The following PHTF2 variants were observed in gnomAD, a reference collection of about 807,000 sequenced individuals.
The protein encoded by PHTF2 is protein PHTF2.
A neutral mutation model predicts 101.2 loss-of-function variants in PHTF2; 60 were observed. The ratio of observed to expected loss-of-function variants is 0.59; its 90% confidence interval spans 0.48 to 0.73. The LOEUF is 0.73. Among genes scored for constraint, PHTF2 ranks in the 30% least tolerant of loss-of-function variants. The pLI is 0.00. For missense variants in PHTF2, 747 were observed against 908.7 expected, an observed-to-expected ratio of 0.82 and a Z score of 2.29; for synonymous variants, 311 against 307.3, an observed-to-expected ratio of 1.01 and a Z score of -0.13.
chr7:77,910,515 CAT>C (rs1802288780), intron 9 of PHTF2, 106 bp downstream of exon 8: 1 of 750,322 alleles, frequency 1.3e-6, no homozygotes, highest in Middle Eastern at 2.8e-4. Context: ...GTGACAGCCT[CAT>C]TATGGATTTT....
intron 3 of PHTF2, among the ~76,000 whole-genome samples, chr7:77,864,249 G>T (rs998177443): frequency 1.3e-5 from 2 of 152,140 alleles, no homozygotes; most frequent in African/African-American, 2.4e-5. Flanking sequence ...TTCTGTTACT[G>T]CTTTTGTCTT....
intron 3 of PHTF2, among the ~76,000 whole-genome samples, chr7:77,862,843 A>T (rs556168040): frequency 4.9e-4 from 74 of 152,222 alleles, no homozygotes; most frequent in Non-Finnish European, 8.8e-4. Context: ...GCCTAAAATT[A>T]GGCAAATGTA....
At chr7:77,866,022 A>G (rs1798032033) in intron 3 of PHTF2, among the ~76,000 whole-genome samples, 1 of 151,992 alleles carries the variant, frequency 6.6e-6, no homozygotes, top group African/African-American at 2.4e-5. Context: ...TGTCTCTACT[A>G]AAAATACAAA....
intron 1 of PHTF2, among the ~76,000 whole-genome samples, chr7:77,819,281 A>G (rs763324928): frequency 1.4e-4 from 22 of 152,192 alleles, no homozygotes; most frequent in Admixed American, 7.2e-4. Flanking sequence ...ATTGAATAAG[A>G]GTTGTGAAAG....
intron 1 of PHTF2, among the ~76,000 whole-genome samples, chr7:77,807,123 T>C (rs1180533341): frequency 6.6e-6 from 1 of 152,214 alleles, no homozygotes; most frequent in African/African-American, 2.4e-5. Flanking sequence ...ATGTACTGTT[T>C]TGTTCATCCA....
chr7:77,920,367 G>A lies in PHTF2; in HGVS notation c.865G>A (p.Gly289Ser), dbSNP rs375949234. 6.3e-5 allele frequency: 102 copies of A among 1,610,916 alleles called. No homozygotes were observed. The highest frequency in any genetic ancestry group is 3.3e-4 in the Middle Eastern group (2 of 6,072). ...TGATGGGAAGAAGACTGTTAAAAGC[G>A]GTGAAGATGGAATACAAAACCATGA... Residue 289 changes from glycine to serine, a missense_variant, in exon 10 of 20, where the codon GGT becomes AGT. Around this residue, in one of 6 missense-constraint regions of PHTF2, gnomAD observed 349 missense variants for 369.7 expected, o/e 0.94. Transcript: ENST00000416283.
chr7:77,856,959 G>A (rs114507229), intron 3 of PHTF2, among the ~76,000 whole-genome samples: 2,037 of 152,144 alleles, frequency 0.013, 49 homozygotes, highest in African/African-American at 0.046. Flanking sequence ...CTTATGACTT[G>A]CAATATAACA....
chr7:77,880,444 C>A lies in PHTF2; in HGVS notation c.148-13164C>A, dbSNP rs1419826718. 3.3e-5 allele frequency among the ~76,000 whole-genome samples: 5 copies of A among 152,298 alleles called. No homozygotes were observed. The South Asian group carries it at 1.0e-3, about 32-fold the overall frequency. On this transcript the variant is annotated intron_variant, in intron 3 of 19. Transcript: ENST00000416283. ...ATACCCTGTTCATCTCTCTCAAGAT[C>A]TTTATTCTAGACCTTCTTTGTCTTT... is the stretch of plus-strand genomic sequence containing the variant.
At chr7:77,954,620 A>G (rs969804434) in intron 19 of PHTF2, among the ~76,000 whole-genome samples, 132 of 117,122 alleles carry the variant, frequency 1.1e-3, no homozygotes, top group African/African-American at 3.2e-3. Context: ...GTGTATATAT[A>G]TATATATATA....
intron 2 of PHTF2, among the ~76,000 whole-genome samples, chr7:77,853,699 G>T (rs543033381): frequency 9.9e-5 from 15 of 151,818 alleles, no homozygotes; most frequent in African/African-American, 3.6e-4. Flanking sequence ...TGGCCACTCA[G>T]CTCTAGATTT....
intron 3 of PHTF2, among the ~76,000 whole-genome samples, chr7:77,876,633 C>A (rs186243253): frequency 1.3e-5 from 2 of 152,252 alleles, no homozygotes; most frequent in Admixed American, 6.5e-5. Flanking sequence ...TGGCTTACAT[C>A]TGTAATCGCA....
chr7:77,942,881 T>C, intron 16 of PHTF2, 95 bp downstream of exon 15: 1 of 641,106 alleles, frequency 1.6e-6, no homozygotes, highest in East Asian at 3.1e-5. Context: ...GTAAGCCTAG[T>C]TAGAAAGTAA....
intron 1 of PHTF2, among the ~76,000 whole-genome samples, chr7:77,816,566 A>G (rs1793872490): frequency 1.3e-5 from 2 of 152,212 alleles, no homozygotes; most frequent in South Asian, 4.1e-4. Context: ...AGAGTAATTG[A>G]CGTATACATT....
intron 1 of PHTF2, among the ~76,000 whole-genome samples, chr7:77,830,428 C>T (rs987352927): frequency 1.3e-5 from 2 of 152,216 alleles, no homozygotes; most frequent in Non-Finnish European, 2.9e-5. Context: ...AGCCAGTGGG[C>T]AAGTGAGCGA....
chr7:77,888,297 G>A (rs1800053212), intron 3 of PHTF2, among the ~76,000 whole-genome samples: 1 of 152,106 alleles, frequency 6.6e-6, no homozygotes, highest in Non-Finnish European at 1.5e-5. Context: ...TGTATTTTTA[G>A]TAGAGACGGG....
At chr7:77,814,513 AT>A (rs771740540) in intron 1 of PHTF2, among the ~76,000 whole-genome samples, 4,096 of 134,786 alleles carry the variant, frequency 0.03, 39 homozygotes, top group Middle Eastern at 0.074. Flanking sequence ...CTTGGGGGGC[AT>A]TTTTTTTTTT....
At chr7:77,849,413 C>T (rs1297778944) in intron 2 of PHTF2, among the ~76,000 whole-genome samples, 3 of 152,152 alleles carry the variant, frequency 2.0e-5, no homozygotes, top group African/African-American at 4.8e-5. Flanking sequence ...GCTAGGATTA[C>T]AGGCGTGAGC....
chr7:77,938,453 G>A (rs552551747), intron 13 of PHTF2, among the ~76,000 whole-genome samples: 19 of 152,114 alleles, frequency 1.2e-4, no homozygotes, highest in East Asian at 3.9e-4. Context: ...TTGATTGGCC[G>A]GGCGCGGTGG....
At chr7:77,946,116 G>A (rs1806029794) in intron 16 of PHTF2, among the ~76,000 whole-genome samples, 1 of 152,100 alleles carries the variant, frequency 6.6e-6, no homozygotes. Context: ...AATAGGCCAT[G>A]ACTATGATAG....
Sources: allele counts gnomAD v4.1 joint callset (sites outside exome capture counted in the v4.1 genomes callset), GRCh38; gene constraint gnomAD v4.1.1; regional missense constraint gnomAD v4.1.1; transcripts MANE v1.5; gene names NCBI Gene and HGNC (gene_info 2026-07-23, HGNC 2026-07-21).